TPD52L1: variants seen among roughly 807,000 people sequenced by gnomAD.
TPD52L1 encodes TPD52 like 1.
A neutral mutation model predicts 28.7 loss-of-function variants in TPD52L1; 18 were observed. That is an observed-to-expected ratio of 0.63 (90% CI 0.43 to 0.93). The LOEUF is 0.93. TPD52L1 is among the 40% of genes least tolerant of loss of function. The pLI is 0.00. For missense variants in TPD52L1, 203 were observed against 254.8 expected, an observed-to-expected ratio of 0.80 and a Z score of 1.39; for synonymous variants, 75 against 88.8, an observed-to-expected ratio of 0.84 and a Z score of 0.88.
chr6:125,170,914 C>T (rs1791259131), intron 1 of TPD52L1, among the ~76,000 whole-genome samples: 1 of 152,098 alleles, frequency 6.6e-6, no homozygotes, highest in African/African-American at 2.4e-5. Flanking sequence ...TCCAGAATCC[C>T]CTTTCCAAAC....
intron 1 of TPD52L1, among the ~76,000 whole-genome samples, chr6:125,193,062 A>G (rs926132988): frequency 2.6e-5 from 4 of 152,196 alleles, no homozygotes; most frequent in Admixed American, 2.6e-4. Flanking sequence ...AGTTACTATT[A>G]TCTTTCTTTT....
intron 1 of TPD52L1, among the ~76,000 whole-genome samples, chr6:125,204,243 T>C (rs1793970022): frequency 6.6e-6 from 1 of 152,096 alleles, no homozygotes; most frequent in African/African-American, 2.4e-5. Flanking sequence ...AGCAGAACAT[T>C]GATAGAATGA....
rs901237669 is a variant in TPD52L1 at position 125,256,309 on chromosome 6, C to A, written c.426-789C>A. ...AGGTTGCAGTGAGTCAAGATCAGTT[C>A]ACTGTATTCCAGCCTGGGTGACAGA... On this transcript the variant is annotated intron_variant, in intron 5 of 6. Coordinates refer to ENST00000534000, the MANE Select transcript of TPD52L1 (RefSeq NM_003287.4). Among the ~76,000 whole-genome samples the A allele has an allele frequency of 1.4e-4, 22 of 151,934 alleles. No homozygotes were observed. In the South Asian group the frequency reaches 2.7e-3, roughly 19 times the overall value.
At chr6:125,247,300 A>C (rs1302458080) in intron 3 of TPD52L1, among the ~76,000 whole-genome samples, 1 of 152,120 alleles carries the variant, frequency 6.6e-6, no homozygotes, top group Admixed American at 6.5e-5. Flanking sequence ...AATGTGTATA[A>C]AAATTTTGTT....
chr6:125,156,547 A>AT (rs1192616315), intron 1 of TPD52L1, among the ~76,000 whole-genome samples: 45 of 151,114 alleles, frequency 3.0e-4, no homozygotes, highest in African/African-American at 1.0e-3. Flanking sequence ...GAGGAGACAG[A>AT]TTTTTTGAGC....
At chr6:125,182,275 G>C (rs1030435735) in intron 1 of TPD52L1, among the ~76,000 whole-genome samples, 1 of 152,154 alleles carries the variant, frequency 6.6e-6, no homozygotes, top group Admixed American at 6.5e-5. Context: ...TAGAGCCCAG[G>C]GAAAGCATGC....
intron 3 of TPD52L1, among the ~76,000 whole-genome samples, chr6:125,229,514 T>G (rs576535812): frequency 3.3e-5 from 5 of 152,402 alleles, no homozygotes; most frequent in Admixed American, 1.3e-4. Context: ...CAGACTACTT[T>G]CATTAGGTTT....
In TPD52L1 at chr6:125,154,176, G is replaced by A. The variant is rs572994014; in HGVS notation, c.19+206G>A. The A allele has an allele frequency of 1.1e-5, 15 of 1,371,156 alleles. No homozygotes were observed. The South Asian group carries it at 2.2e-4, about 20-fold the overall frequency. The allele number at this position is 1,371,156 out of a possible 1,614,324, so 84.9% of individuals were successfully genotyped here. ...GGTCTGGGGATCAATAAAGTGACAG[G>A]GGATCCGTAAGTGGAGAGGCCCCTC... On this transcript the variant is annotated intron_variant, in intron 1 of 6. Coordinates refer to ENST00000534000, the MANE Select transcript of TPD52L1 (RefSeq NM_003287.4).
intron 1 of TPD52L1, among the ~76,000 whole-genome samples, chr6:125,165,184 A>T (rs189528353): frequency 1.7e-3 from 258 of 151,038 alleles, no homozygotes; most frequent in African/African-American, 6.0e-3. Context: ...GAGTTACTAC[A>T]CAGTTAAGAA....
chr6:125,259,495 G>C (rs1291686711), intron 6 of TPD52L1, among the ~76,000 whole-genome samples: 1 of 152,160 alleles, frequency 6.6e-6, no homozygotes, highest in African/African-American at 2.4e-5. Flanking sequence ...GATGTCACCT[G>C]TACAGTCACT....
chr6:125,203,159 GT>G (rs774027567), intron 1 of TPD52L1, among the ~76,000 whole-genome samples: 1 of 152,102 alleles, frequency 6.6e-6, no homozygotes, highest in Non-Finnish European at 1.5e-5. Context: ...TGATTTAAAG[GT>G]TTAGATGGTC....
intron 1 of TPD52L1, chr6:125,209,055 A>C: frequency 4.4e-6 from 3 of 679,066 alleles, no homozygotes; most frequent in Non-Finnish European, 5.5e-6. Flanking sequence ...TTTCCCATAC[A>C]CAGCCTTGAT....
At chr6:125,175,506 A>AT (rs1394843094) in intron 1 of TPD52L1, among the ~76,000 whole-genome samples, 6 of 152,222 alleles carry the variant, frequency 3.9e-5, no homozygotes, top group African/African-American at 9.6e-5. Context: ...GTGTGTCAAC[A>AT]TAAAGATAGA....
At chr6:125,177,237 G>A (rs970960429) in intron 1 of TPD52L1, among the ~76,000 whole-genome samples, 14 of 152,122 alleles carry the variant, frequency 9.2e-5, no homozygotes, top group Non-Finnish European at 1.5e-4. Context: ...CGTTTTCTAC[G>A]TTCCCTAATT....
At chr6:125,202,512 C>A (rs972173676) in intron 1 of TPD52L1, among the ~76,000 whole-genome samples, 1 of 152,018 alleles carries the variant, frequency 6.6e-6, no homozygotes, top group Non-Finnish European at 1.5e-5. Context: ...CTCAGCTAAC[C>A]AAAGAAATGA....
chr6:125,229,179 A>G lies in TPD52L1; in HGVS notation c.197A>G (p.Glu66Gly). 1 of 1,613,808 alleles carries G rather than the reference A, an allele frequency of 6.2e-7. No individual in the cohort carries two copies. The highest frequency in any genetic ancestry group is 8.5e-7 in the Non-Finnish European group (1 of 1,179,848). The change falls in exon 3 of 7, where the codon GAG becomes GGG. Residue 66 changes from glutamate to glycine, a missense_variant. Transcript: ENST00000534000. Reference protein sequence around the residue: ...VLSAKERHLVEIKQKLGMNLM... With the variant: ...VLSAKERHLVGIKQKLGMNLM... ...TCAGCGAAAGAAAGGCATCTAGTTG[A>G]GATAAAACAAAAACTCGGCATGAAC...
At chr6:125,172,592 CAATTATATATATAAATATATAT>C (rs1390700350) in intron 1 of TPD52L1, among the ~76,000 whole-genome samples, 1 of 76,680 alleles carries the variant, frequency 1.3e-5, no homozygotes, top group Admixed American at 1.8e-4. Context: ...TATATATATA[CAATTATATATATAAATATATAT>C]AATTATATAT....
chr6:125,173,940 G>A (rs1057318202), intron 1 of TPD52L1, among the ~76,000 whole-genome samples: 4 of 152,138 alleles, frequency 2.6e-5, no homozygotes, highest in African/African-American at 9.7e-5. Context: ...TCACATAAAG[G>A]GATCCTAGTC....
intron 2 of TPD52L1, among the ~76,000 whole-genome samples, chr6:125,225,010 C>T (rs1406369037): frequency 1.3e-5 from 2 of 152,180 alleles, no homozygotes; most frequent in Non-Finnish European, 1.5e-5. Context: ...TTCCATTTCC[C>T]ACTTCCCAGC....
Sources: allele counts gnomAD v4.1 joint callset (sites outside exome capture counted in the v4.1 genomes callset), GRCh38; gene constraint gnomAD v4.1.1; transcripts MANE v1.5; gene names NCBI Gene and HGNC (gene_info 2026-07-23, HGNC 2026-07-21).